Variants in TAFA5 observed in about 807,000 individuals in gnomAD.
TAFA5 encodes chemokine-like protein TAFA-5.
A neutral mutation model predicts 15.3 loss-of-function variants in TAFA5; 6 were observed. The observed-to-expected ratio is 0.39, with a 90% CI of 0.21 to 0.77. The LOEUF (loss-of-function observed/expected upper bound fraction) is 0.77, where lower values mean the gene tolerates loss of function less well. TAFA5 is among the 30% of genes least tolerant of loss of function. TAFA5 has a pLI of 0.41. For missense variants in TAFA5, 161 were observed against 193.1 expected, an observed-to-expected ratio of 0.83 and a Z score of 0.98; for synonymous variants, 103 against 80.7, an observed-to-expected ratio of 1.28 and a Z score of -1.48.
chr22:48,500,740 C>T (rs937606119), intron 1 of TAFA5, among the ~76,000 whole-genome samples: 6 of 152,236 alleles, frequency 3.9e-5, no homozygotes, highest in African/African-American at 9.6e-5. Flanking sequence ...TGGCTGACAT[C>T]GCACTGTGTC....
intron 1 of TAFA5, among the ~76,000 whole-genome samples, chr22:48,578,267 A>T (rs768913898): frequency 6.6e-6 from 1 of 152,228 alleles, no homozygotes; most frequent in African/African-American, 2.4e-5. Flanking sequence ...GCTGTGAGTT[A>T]GTAACGGGAG....
intron 1 of TAFA5, among the ~76,000 whole-genome samples, chr22:48,625,452 G>A (rs1925995249): frequency 6.6e-6 from 1 of 152,216 alleles, no homozygotes; most frequent in South Asian, 2.1e-4. Flanking sequence ...TCACTGTTCA[G>A]TTCAAGTATC....
chr22:48,694,734 G>A (rs1928649351), intron 2 of TAFA5, among the ~76,000 whole-genome samples: 1 of 151,776 alleles, frequency 6.6e-6, no homozygotes, highest in South Asian at 2.1e-4. Context: ...CTGCCTGTGA[G>A]CAGCTCCAAG....
intron 1 of TAFA5, among the ~76,000 whole-genome samples, chr22:48,570,692 C>T (rs1392700117): frequency 6.6e-6 from 1 of 152,212 alleles, no homozygotes; most frequent in Non-Finnish European, 1.5e-5. Context: ...TTTCATTCCT[C>T]TATTATGTAT....
intron 1 of TAFA5, among the ~76,000 whole-genome samples, chr22:48,572,634 A>G (rs779472459): frequency 1.3e-5 from 2 of 152,104 alleles, no homozygotes; most frequent in Non-Finnish European, 2.9e-5. Flanking sequence ...GCCTGTTTGG[A>G]AGTCTGGTGA....
chr22:48,633,923 G>T (rs114031509), intron 1 of TAFA5, among the ~76,000 whole-genome samples: 1,611 of 152,318 alleles, frequency 0.011, 30 homozygotes, highest in African/African-American at 0.037. Context: ...TCGTGGGTGA[G>T]AAACAGCTCC....
Position 48,610,490 on chromosome 22 carries a change from C to T in TAFA5, c.113-36107C>T, listed in dbSNP as rs115173258. ...AACTGCGGACCTTCATGCTGGCTCC[C>T]GGGGTGGTGAGGGACCACAGAAGGC... On this transcript the variant is annotated intron_variant, in intron 1 of 3. Transcript: ENST00000402357. 4.4e-3 allele frequency among the ~76,000 whole-genome samples: 673 copies of T among 152,110 alleles called. 7 individuals carry two copies. Among genetic ancestry groups the T allele is most frequent in the African/African-American group, 0.016 (648 of 41,380 alleles).
intron 1 of TAFA5, among the ~76,000 whole-genome samples, chr22:48,604,127 A>G (rs1049050528): frequency 6.6e-6 from 1 of 152,228 alleles, no homozygotes; most frequent in Non-Finnish European, 1.5e-5. Context: ...TTACAAATGA[A>G]GGGATTGCAG....
At chr22:48,693,510 G>A (rs1350133038) in intron 2 of TAFA5, 1 of 1,522,144 alleles carries the variant, frequency 6.6e-7, no homozygotes, top group African/African-American at 1.4e-5. Flanking sequence ...TCCCAGAGGA[G>A]ACCAGCAGGT....
chr22:48,527,321 C>T (rs926922852), intron 1 of TAFA5, among the ~76,000 whole-genome samples: 5 of 152,242 alleles, frequency 3.3e-5, no homozygotes, highest in African/African-American at 1.2e-4. Flanking sequence ...TGCACTCAAC[C>T]AGTTCTTACA....
At chr22:48,683,604 G>T (rs536581640) in intron 2 of TAFA5, among the ~76,000 whole-genome samples, 65 of 152,318 alleles carry the variant, frequency 4.3e-4, no homozygotes, top group African/African-American at 1.5e-3. Flanking sequence ...GCCTCCCACT[G>T]CCAGGACAGC....
chr22:48,618,618 G>A (rs117183345), intron 1 of TAFA5, among the ~76,000 whole-genome samples: 5,525 of 152,030 alleles, frequency 0.036, 140 homozygotes, highest in Middle Eastern at 0.082. Flanking sequence ...ATCTGTAATC[G>A]GGTGGCCTTG....
chr22:48,518,272 C>A (rs1921484449), intron 1 of TAFA5, among the ~76,000 whole-genome samples: 1 of 152,208 alleles, frequency 6.6e-6, no homozygotes, highest in African/African-American at 2.4e-5. Context: ...TCTGTGGGGC[C>A]TCCCTGAGGC....
intron 1 of TAFA5, among the ~76,000 whole-genome samples, chr22:48,583,081 A>C (rs1360931401): frequency 1.4e-5 from 2 of 143,216 alleles, no homozygotes; most frequent in Admixed American, 1.4e-4. Flanking sequence ...AAAATACACC[A>C]CACACCCCAC....
chr22:48,526,117 A>G (rs1309694537), intron 1 of TAFA5, among the ~76,000 whole-genome samples: 1 of 152,168 alleles, frequency 6.6e-6, no homozygotes, highest in Non-Finnish European at 1.5e-5. Flanking sequence ...CCAATGGAGA[A>G]ACTAAGGGGT....
intron 2 of TAFA5, among the ~76,000 whole-genome samples, chr22:48,699,901 C>T (rs1239765994): frequency 1.1e-4 from 16 of 152,124 alleles, no homozygotes; most frequent in Admixed American, 9.8e-4. Flanking sequence ...ACCCACAGCC[C>T]CAGAGAGCAG....
intron 1 of TAFA5, among the ~76,000 whole-genome samples, chr22:48,523,230 C>A (rs1242123009): frequency 6.6e-6 from 1 of 152,184 alleles, no homozygotes; most frequent in Non-Finnish European, 1.5e-5. Flanking sequence ...CACTTCGTGG[C>A]GCTTGGCTCC....
At chr22:48,638,595 G>C (rs1164652180) in intron 1 of TAFA5, among the ~76,000 whole-genome samples, 20 of 124,710 alleles carry the variant, frequency 1.6e-4, no homozygotes, top group Non-Finnish European at 1.7e-5. Context: ...ACCACACACA[G>C]GCAATACCCC....
rs1464194316 is a variant in TAFA5, at chr22:48,560,931, C to G, written c.112+71227C>G. ...GGCCTCACAGTTGTCTTTAAAGTGG[C>G]TTTTGTTTGGCTCCTGTGTGTGAGC... On this transcript the variant is annotated intron_variant, in intron 1 of 3. Transcript: ENST00000402357. The surrounding 1 kb of genome is among the most constrained non-coding windows in gnomAD (Gnocchi z 4.2). Among the ~76,000 whole-genome samples the G allele has an allele frequency of 2.0e-5, 3 of 152,118 alleles. No homozygotes were observed. The highest frequency in any genetic ancestry group is 4.4e-5 in the Non-Finnish European group (3 of 68,026).
Sources: allele counts gnomAD v4.1 joint callset (sites outside exome capture counted in the v4.1 genomes callset), GRCh38; gene constraint gnomAD v4.1.1; non-coding constraint Gnocchi (gnomAD v3.1); transcripts MANE v1.5; gene names NCBI Gene and HGNC (gene_info 2026-07-23, HGNC 2026-07-21).